EIF5B: variants seen among roughly 807,000 people sequenced by gnomAD.
EIF5B encodes eIF-5B.
EIF5B carries 47 observed loss-of-function variants against 147.5 expected under a neutral mutation model. The observed-to-expected ratio is 0.32, with a 90% CI of 0.25 to 0.41. The LOEUF (loss-of-function observed/expected upper bound fraction) is 0.41. Ranked by LOEUF, EIF5B falls within the 10% of genes least tolerant of loss-of-function variation. The pLI is 1.00. For missense variants in EIF5B, 1,064 were observed against 1,413.2 expected (o/e 0.75, Z 3.96); for synonymous variants, 455 against 456.2 (o/e 1.00, Z 0.03).
rs1482510941 is a variant in EIF5B at position 99,401,090 on chromosome 2, T to C, written c.*1676T>C. The C allele has an allele frequency of 4.1e-6, 2 of 492,804 alleles. No homozygotes were observed. The highest frequency in any genetic ancestry group is 1.9e-5 in the African/African-American group (1 of 52,504). 30.5% of individuals were successfully genotyped at this position (492,804 alleles called of 1,614,324 possible). Reference sequence around the variant, plus strand: ...TATTTACATGCAATACTGACAAATTTGGCACTTTTTGAAAAGAAATGTACA... The same window carrying C: ...TATTTACATGCAATACTGACAAATTCGGCACTTTTTGAAAAGAAATGTACA... On this transcript the variant is annotated 3_prime_UTR_variant, in exon 24 of 24. Coordinates refer to ENST00000289371, the MANE Select transcript of EIF5B (RefSeq NM_015904.4).
intron 1 of EIF5B, among the ~76,000 whole-genome samples, chr2:99,348,717 T>C (rs191409386): frequency 5.9e-5 from 9 of 152,332 alleles, no homozygotes; most frequent in Middle Eastern, 3.4e-3. Flanking sequence ...CAGTGTTATA[T>C]GTGACTTATC....
chr2:99,347,474 G>T (rs111363195), intron 1 of EIF5B, among the ~76,000 whole-genome samples: 7 of 151,924 alleles, frequency 4.6e-5, no homozygotes, highest in African/African-American at 1.7e-4. Context: ...CAGTAGATCT[G>T]GGGTGAGGGT....
chr2:99,380,127 T>C (rs1036778778), intron 12 of EIF5B, among the ~76,000 whole-genome samples: 4 of 152,230 alleles, frequency 2.6e-5, no homozygotes, highest in Non-Finnish European at 5.9e-5. Flanking sequence ...CAGTGATGGC[T>C]TATTTAGGAA....
intron 1 of EIF5B, among the ~76,000 whole-genome samples, chr2:99,348,125 A>G (rs1307157307): frequency 6.6e-6 from 1 of 152,240 alleles, no homozygotes; most frequent in African/African-American, 2.4e-5. Context: ...TATCAAATTA[A>G]TGTATCAGAT....
intron 9 of EIF5B, among the ~76,000 whole-genome samples, chr2:99,374,502 T>TA (rs1674524739): frequency 6.6e-6 from 1 of 152,120 alleles, no homozygotes; most frequent in Non-Finnish European, 1.5e-5. Context: ...GAGTTTTTTT[T>TA]AGTATGGATC....
intron 5 of EIF5B, 62 bp downstream of exon 5, chr2:99,363,924 A>C: frequency 6.7e-7 from 1 of 1,498,980 alleles, no homozygotes; most frequent in Non-Finnish European, 9.0e-7. Context: ...ATTCTCTGTA[A>C]AATATCTTTA....
At chr2:99,345,591 CAAAAAA>C (rs34437423) in intron 1 of EIF5B, among the ~76,000 whole-genome samples, 1 of 33,178 alleles carries the variant, frequency 3.0e-5, no homozygotes, top group Non-Finnish European at 7.6e-5. Context: ...GAGACTGTCT[CAAAAAA>C]AAAAAAAAAA....
At chr2:99,375,347 A>G (rs1574932792) in intron 9 of EIF5B, among the ~76,000 whole-genome samples, 1 of 152,308 alleles carries the variant, frequency 6.6e-6, no homozygotes, top group Non-Finnish European at 1.5e-5. Context: ...GTGAACTAGC[A>G]ATATGGAATA....
chr2:99,383,308 G>T (rs1384938953), intron 14 of EIF5B, among the ~76,000 whole-genome samples: 7 of 152,134 alleles, frequency 4.6e-5, no homozygotes, highest in Non-Finnish European at 1.0e-4. Flanking sequence ...ACCCCTATAA[G>T]ATGGCACACT....
At chr2:99,340,143 T>C (rs934121522) in intron 1 of EIF5B, among the ~76,000 whole-genome samples, 2 of 152,254 alleles carry the variant, frequency 1.3e-5, no homozygotes, top group Non-Finnish European at 2.9e-5. Context: ...TGACTGGAAC[T>C]GCTTGGGTTT....
At chr2:99,379,560 T>G in intron 12 of EIF5B, 132 bp downstream of exon 12, 1 of 626,142 alleles carries the variant, frequency 1.6e-6, no homozygotes, top group Non-Finnish European at 2.7e-6. Context: ...ACATGTACTA[T>G]TTTGCCTATT....
At chr2:99,372,659 A>G (rs1450448836) in intron 9 of EIF5B, among the ~76,000 whole-genome samples, 1 of 152,176 alleles carries the variant, frequency 6.6e-6, no homozygotes. Flanking sequence ...TTAATTTACA[A>G]AAATGGGCAT....
chr2:99,394,494 C>G lies in EIF5B; in HGVS notation c.3013-15C>G. ...TGATACATACAGATAAACATGGAAA[C>G]TCCCATTTTTTCAGTATGCAGGAAT... On this transcript the variant is annotated splice_polypyrimidine_tract_variant and intron_variant, in intron 19 of 23. Transcript: ENST00000289371. 6.2e-7 allele frequency: 1 copy of G among 1,614,010 alleles called. No homozygotes were observed. The highest frequency in any genetic ancestry group is 8.5e-7 in the Non-Finnish European group (1 of 1,179,986).
intron 1 of EIF5B, among the ~76,000 whole-genome samples, chr2:99,343,252 A>G (rs2094264615): frequency 6.6e-6 from 1 of 150,992 alleles, no homozygotes; most frequent in African/African-American, 2.4e-5. Context: ...CACCGCACCC[A>G]GCCTGGGTTG....
intron 4 of EIF5B, among the ~76,000 whole-genome samples, chr2:99,362,690 C>G (rs926299062): frequency 6.6e-6 from 1 of 152,102 alleles, no homozygotes; most frequent in Non-Finnish European, 1.5e-5. Context: ...CAGACTGAGA[C>G]TCTGTCTCAA....
intron 1 of EIF5B, among the ~76,000 whole-genome samples, chr2:99,341,206 T>C (rs1476489660): frequency 2.0e-5 from 3 of 152,228 alleles, no homozygotes; most frequent in Admixed American, 6.5e-5. Flanking sequence ...ATAATACACA[T>C]AGCCTAGGTT....
At chr2:99,371,474 CA>C (rs1303095385) in intron 8 of EIF5B, among the ~76,000 whole-genome samples, 181 bp from the exon 9 acceptor site, 5 of 118,178 alleles carry the variant, frequency 4.2e-5, no homozygotes, top group South Asian at 2.6e-4. Context: ...GGCGACAGAG[CA>C]AAGACTCCGT....
In EIF5B at chr2:99,401,075, C is replaced by A. The variant is rs770255934; in HGVS notation, c.*1661C>A. On this transcript the variant is annotated 3_prime_UTR_variant, in exon 24 of 24. Coordinates refer to ENST00000289371, the MANE Select transcript of EIF5B (RefSeq NM_015904.4). ...AATAATTAACACAATTATTTACATGCAATACTGACAAATTTGGCACTTTTT... is the reference window on the plus strand; with the variant it reads ...AATAATTAACACAATTATTTACATGAAATACTGACAAATTTGGCACTTTTT... 1 of 480,838 alleles carries A rather than the reference C, an allele frequency of 2.1e-6. No homozygotes were observed. Among genetic ancestry groups the A allele is most frequent in the Non-Finnish European group, 3.7e-6 (1 of 267,166 alleles). The allele number at this position is 480,838 out of a possible 1,614,324, so 29.8% of individuals were successfully genotyped here.
intron 1 of EIF5B, among the ~76,000 whole-genome samples, chr2:99,341,889 C>T (rs571698253): frequency 1.2e-4 from 18 of 152,272 alleles, no homozygotes; most frequent in African/African-American, 4.3e-4. Context: ...ATTTGATCTG[C>T]AGCATCATCA....
Sources: allele counts gnomAD v4.1 joint callset (sites outside exome capture counted in the v4.1 genomes callset), GRCh38; gene constraint gnomAD v4.1.1; transcripts MANE v1.5; gene names NCBI Gene and HGNC (gene_info 2026-07-23, HGNC 2026-07-21).